Variants in RTTN observed in about 807,000 individuals in gnomAD.
RTTN encodes the protein rotatin.
Under a neutral mutation model 269.2 loss-of-function variants are expected in RTTN, and 182 were observed. That is an observed-to-expected ratio of 0.68 (90% CI 0.60 to 0.76). RTTN has a LOEUF of 0.76. RTTN is among the 30% of genes least tolerant of loss of function. The pLI is 0.00. For missense variants in RTTN, 2,545 were observed against 2,608.6 expected (o/e 0.98, Z 0.53); for synonymous variants, 1,006 against 963.5 (o/e 1.04, Z -0.82).
chr18:70,059,732 C>A (rs572796801), intron 36 of RTTN, 118 bp downstream of exon 36: 9 of 659,384 alleles, frequency 1.4e-5, no homozygotes, highest in African/African-American at 1.1e-4. Context: ...GTTCAATGAG[C>A]CTAAAAAAGA....
chr18:70,197,690 T>G lies in RTTN; in HGVS notation c.627A>C (p.Leu209=), dbSNP rs752687551. The G allele has an allele frequency of 9.9e-6, 16 of 1,613,754 alleles. No individual in the cohort carries two copies. In the South Asian group the frequency reaches 1.1e-4, roughly 11 times the overall value. The change falls in exon 6 of 49, where the codon CTA becomes CTC. Residue 209 remains leucine (L), a synonymous_variant. Coordinates refer to ENST00000640769, the MANE Select transcript of RTTN (RefSeq NM_173630.4). The part of the protein sequence containing the change: ...NHTLIWNTCE[L]LKDVIMQDFP... ...AATCTTGCATGATAACATCCTTCAA[T>G]AGTTCACAGGTGTTCCAGATTAAAG...
In RTTN at chr18:70,149,049, G is replaced by A; in HGVS notation, c.2173-12C>T. The A allele has an allele frequency of 6.2e-7, 1 of 1,605,052 alleles. No homozygotes were observed. The highest frequency in any genetic ancestry group is 8.5e-7 in the Non-Finnish European group (1 of 1,175,766). ...GTGTCGGCATAGCCCTAATAGATTT[G>A]TTTTTAAAGAGAAATTATTGTCTAA... On this transcript the variant is annotated splice_polypyrimidine_tract_variant and intron_variant, in intron 16 of 48. Coordinates refer to ENST00000640769, the MANE Select transcript of RTTN (RefSeq NM_173630.4).
chr18:70,193,457 G>T lies in RTTN; in HGVS notation c.842-4C>A. The T allele has an allele frequency of 6.7e-7, 1 of 1,488,592 alleles. No homozygotes were observed. The highest frequency in any genetic ancestry group is 1.3e-5 in the South Asian group (1 of 74,798). 92.2% of individuals were successfully genotyped at this position (1,488,592 alleles called of 1,614,324 possible). ...GAAGAATTTTGGGAAACTGTGTCTG[G>T]GGAAACAAAGAAAAAATAAAATTAT... is the stretch of plus-strand genomic sequence containing the variant. On this transcript the variant is annotated splice_region_variant and splice_polypyrimidine_tract_variant and intron_variant, in intron 7 of 48. Coordinates refer to ENST00000640769, the MANE Select transcript of RTTN (RefSeq NM_173630.4).
chr18:70,184,100 C>T (rs889465069), intron 10 of RTTN, among the ~76,000 whole-genome samples: 1 of 152,198 alleles, frequency 6.6e-6, no homozygotes, highest in Non-Finnish European at 1.5e-5. Flanking sequence ...AACATGGTAA[C>T]ATTGAAAAGG....
At chr18:70,079,194 CT>C (rs1173777877) in intron 32 of RTTN, among the ~76,000 whole-genome samples, 1 of 151,306 alleles carries the variant, frequency 6.6e-6, no homozygotes, top group Non-Finnish European at 1.5e-5. Context: ...GCTCTATTAG[CT>C]TTTTTTTAAC....
intron 46 of RTTN, among the ~76,000 whole-genome samples, chr18:70,009,350 C>A (rs1422312378): frequency 6.6e-6 from 1 of 152,112 alleles, no homozygotes; most frequent in Non-Finnish European, 1.5e-5. Flanking sequence ...ATGGGCCAGG[C>A]TGGTCTCAGA....
intron 14 of RTTN, among the ~76,000 whole-genome samples, chr18:70,163,414 C>T (rs551665697): frequency 3.3e-5 from 5 of 151,938 alleles, no homozygotes; most frequent in African/African-American, 1.2e-4. Flanking sequence ...AAAGTATTGC[C>T]AAGGATGAAG....
At chr18:70,197,053 T>A (rs1435101267) in intron 6 of RTTN, among the ~76,000 whole-genome samples, 2 of 152,166 alleles carry the variant, frequency 1.3e-5, no homozygotes, top group Non-Finnish European at 1.5e-5. Context: ...TCTGCGATCA[T>A]TTGCCAGCTT....
chr18:70,024,961 A>G lies in RTTN; in HGVS notation c.5824-113T>C, dbSNP rs2056812269. On this transcript the variant is annotated intron_variant, in intron 43 of 48. Transcript: ENST00000640769. ...ATAAGACCCAAGGAGAACCCTGTGGATGGCTTCAGCATCCTGCCCCAGCCC... is the reference window on the plus strand; with the variant it reads ...ATAAGACCCAAGGAGAACCCTGTGGGTGGCTTCAGCATCCTGCCCCAGCCC... The G allele has an allele frequency of 1.3e-5, 16 of 1,220,484 alleles. 1 individual carries two copies. In the South Asian group the frequency reaches 2.5e-4, roughly 19 times the overall value. The allele number at this position is 1,220,484 out of a possible 1,614,324, so 75.6% of individuals were successfully genotyped here. A position where few individuals can be genotyped will look rare whatever the true frequency, so the allele number is the denominator to read the frequency against.
At position 70,100,927 on chromosome 18, in the gene RTTN, C is replaced by CCA. The variant is rs1171589912; in HGVS notation, c.3904-8125_3904-8124dup. Reference sequence around the variant, plus strand: ...CAGCCTTGCATCCCAGGGATGAAGCCCACTTGATCATGGTGGATAAGCTTT... The same window carrying CCA: ...CAGCCTTGCATCCCAGGGATGAAGCCCACACTTGATCATGGTGGATAAGCTTT... On this transcript the variant is annotated intron_variant, in intron 28 of 48. Transcript: ENST00000640769. Among the ~76,000 whole-genome samples the CCA allele has an allele frequency of 9.2e-5, 14 of 152,182 alleles. 1 individual carries two copies. Among genetic ancestry groups the CCA allele is most frequent in the Admixed American group, 3.9e-4 (6 of 15,268 alleles).
At chr18:70,116,585 C>T (rs927068687) in intron 26 of RTTN, among the ~76,000 whole-genome samples, 11 of 152,076 alleles carry the variant, frequency 7.2e-5, no homozygotes, top group African/African-American at 2.7e-4. Context: ...TTAATCATAT[C>T]TGAAGTTTTT....
At chr18:70,058,626 G>A (rs1011984811) in intron 36 of RTTN, among the ~76,000 whole-genome samples, 2 of 152,132 alleles carry the variant, frequency 1.3e-5, no homozygotes, top group African/African-American at 4.8e-5. Context: ...TGCCATAAAA[G>A]GTCTTTTAAT....
intron 14 of RTTN, among the ~76,000 whole-genome samples, chr18:70,152,410 G>T (rs1486089348): frequency 6.6e-6 from 1 of 152,154 alleles, no homozygotes; most frequent in East Asian, 1.9e-4. Context: ...TCACAGAGCT[G>T]TTAGGAGGAT....
chr18:70,193,350 CA>C lies in RTTN; in HGVS notation c.944del (p.Val315GlyfsTer30). 1 of 1,610,808 alleles carries C rather than the reference CA, an allele frequency of 6.2e-7. No homozygotes were observed. Among genetic ancestry groups the C allele is most frequent in the South Asian group, 1.1e-5 (1 of 90,788 alleles). ...SPGSSSPRPS[V>X]VGRTGQRPRG... ...TGGGTCGCTGGCCTGTGCGCCCAAC[CA>C]CAGAAGGCCGAGGGCTGCTGCTTCC... On this transcript the variant is annotated frameshift_variant, in exon 8 of 49. Coordinates refer to ENST00000640769, the MANE Select transcript of RTTN (RefSeq NM_173630.4). LOFTEE classifies it high-confidence loss of function.
intron 47 of RTTN, 76 bp from the exon 48 acceptor site, chr18:70,005,343 C>A: frequency 2.1e-6 from 2 of 942,196 alleles, no homozygotes; most frequent in Non-Finnish European, 1.7e-6. Context: ...CTGCCCATTG[C>A]TAACTACAGT....
At chr18:70,112,142 G>A (rs1482792120) in intron 27 of RTTN, among the ~76,000 whole-genome samples, 1 of 152,126 alleles carries the variant, frequency 6.6e-6, no homozygotes, top group African/African-American at 2.4e-5. Flanking sequence ...CCTTACAAGA[G>A]CTCTTGAAGG....
At chr18:70,196,329 G>C (rs1338669296) in intron 7 of RTTN, among the ~76,000 whole-genome samples, 172 bp downstream of exon 7, 1 of 149,794 alleles carries the variant, frequency 6.7e-6, no homozygotes, top group Non-Finnish European at 1.5e-5. Flanking sequence ...GATCATGGCA[G>C]TTTCTGTCAT....
intron 33 of RTTN, 93 bp downstream of exon 33, chr18:70,075,259 A>G (rs2058396700): frequency 2.2e-6 from 2 of 890,694 alleles, no homozygotes; most frequent in African/African-American, 1.8e-5. Flanking sequence ...GTATACTTTC[A>G]TTTTTCAAAT....
At chr18:70,070,165 A>G (rs1166592884) in intron 34 of RTTN, among the ~76,000 whole-genome samples, 1 of 152,278 alleles carries the variant, frequency 6.6e-6, no homozygotes, top group East Asian at 1.9e-4. Context: ...CCACTTAAAG[A>G]GACAGATCAT....
Sources: gnomAD v4.1 joint callset for allele counts (sites outside exome capture counted in the v4.1 genomes callset) on GRCh38, gnomAD v4.1.1 for gene constraint, MANE v1.5 for transcripts, NCBI Gene and HGNC (gene_info 2026-07-23, HGNC 2026-07-21) for gene names.